Variants in TRIM6 observed in about 807,000 individuals in gnomAD.
TRIM6 encodes the protein tripartite motif-containing protein 6.
In TRIM6, 43 loss-of-function variants were observed where a neutral mutation model predicts 51.2. The observed-to-expected ratio is 0.84, with a 90% CI of 0.66 to 1.08. The LOEUF (loss-of-function observed/expected upper bound fraction) is 1.08. TRIM6 is among the 50% of genes least tolerant of loss of function. The pLI is 0.00. For missense variants in TRIM6, 669 were observed against 619.0 expected, an observed-to-expected ratio of 1.08 and a Z score of -0.86; for synonymous variants, 215 against 232.4, an observed-to-expected ratio of 0.93 and a Z score of 0.68.
At position 5,611,114 on chromosome 11, in the gene TRIM6, G is replaced by A. The variant is rs368109226; in HGVS notation, c.1323G>A (p.Arg441=). ...VIGLQHNHEY[R]AYEDSSPSLL... Reference sequence around the variant, plus strand: ...GGTTACAGCATAACCATGAATATAGGGCCTATGAGGATTCTTCCCCTTCCC... The same window carrying A: ...GGTTACAGCATAACCATGAATATAGAGCCTATGAGGATTCTTCCCCTTCCC... Residue 441 remains arginine (R), a synonymous_variant, in exon 8 of 8, where the codon AGG becomes AGA. Transcript: ENST00000380097. 1 of 1,614,088 alleles carries A rather than the reference G, an allele frequency of 6.2e-7. No individual in the cohort carries two copies. Among genetic ancestry groups the A allele is most frequent in the Non-Finnish European group, 8.5e-7 (1 of 1,180,030 alleles).
chr11:5,606,492 T>C (rs1035326196), intron 4 of TRIM6, among the ~76,000 whole-genome samples: 2 of 152,194 alleles, frequency 1.3e-5, no homozygotes, highest in Non-Finnish European at 2.9e-5. Flanking sequence ...TTCCTCTTGC[T>C]CCTTCTTTCT....
Position 5,611,172 on chromosome 11 carries a change from G to C in TRIM6, c.1381G>C (p.Val461Leu), listed in dbSNP as rs1252081207. The C allele has an allele frequency of 1.9e-6, 3 of 1,614,092 alleles. No individual in the cohort carries two copies. In the South Asian group the frequency reaches 3.3e-5, roughly 18 times the overall value. ...CTCCATGACAGTGCCCCCTCGCCGT[G>C]TTGGGGTTTTCTTAGATTATGAGGC... ...LLSMTVPPRR[V>L]GVFLDYEAGT... The change falls in exon 8 of 8, where the codon GTT (valine) becomes CTT (leucine). Residue 461 changes from valine to leucine, a missense_variant. Coordinates refer to ENST00000380097, the MANE Select transcript of TRIM6 (RefSeq NM_001003818.3).
chr11:5,599,728 A>G (rs1039789305), intron 1 of TRIM6, among the ~76,000 whole-genome samples: 9 of 152,132 alleles, frequency 5.9e-5, no homozygotes, highest in African/African-American at 2.2e-4. Context: ...TAACAGTAAC[A>G]CTTTGATAAG....
Position 5,612,355 on chromosome 11 carries a change from A to AC in TRIM6, c.*1014dup, listed in dbSNP as rs1268356139. 1.3e-5 allele frequency: 2 copies of AC among 152,222 alleles called. No individual in the cohort carries two copies. Among genetic ancestry groups the AC allele is most frequent in the East Asian group, 3.8e-4 (2 of 5,206 alleles). 9.4% of individuals were successfully genotyped at this position (152,222 alleles called of 1,614,324 possible). A position where few individuals can be genotyped will look rare whatever the true frequency, so the allele number is the denominator to read the frequency against. ...ACTCAAATTGAAGAGAGTCTTCACT[A>AC]CAATCTTCACTACAACCTTTGGCCT... On this transcript the variant is annotated 3_prime_UTR_variant, in exon 8 of 8. Coordinates refer to ENST00000380097, the MANE Select transcript of TRIM6 (RefSeq NM_001003818.3).
In TRIM6 at chr11:5,603,643, G is replaced by A. The variant is rs1419051480; in HGVS notation, c.415G>A (p.Asp139Asn). 6.8e-6 allele frequency: 11 copies of A among 1,613,482 alleles called. No homozygotes were observed. The Admixed American group carries it at 1.7e-4, about 24-fold the overall frequency. Residue 139 changes from aspartate (D) to asparagine (N), a missense_variant, in exon 2 of 8, where the codon GAT (aspartate) becomes AAT (asparagine). Transcript: ENST00000380097. ...GEKLQLFCQEDGKVICWLCER... is the reference protein window; with the variant it reads ...GEKLQLFCQENGKVICWLCER... ...AAAACTGCAGCTCTTCTGTCAGGAG[G>A]ATGGGAAGGTCATTTGCTGGCTTTG...
At chr11:5,606,142 C>T (rs1376613252) in intron 4 of TRIM6, among the ~76,000 whole-genome samples, 2 of 152,236 alleles carry the variant, frequency 1.3e-5, no homozygotes, top group African/African-American at 4.8e-5. Flanking sequence ...GTCACAGGCA[C>T]ACTTACGCCA....
intron 4 of TRIM6, among the ~76,000 whole-genome samples, chr11:5,608,110 A>G (rs1848335237): frequency 6.6e-6 from 1 of 152,244 alleles, no homozygotes; most frequent in Non-Finnish European, 1.5e-5. Flanking sequence ...TACATGCTAT[A>G]CATACATAAC....
intron 1 of TRIM6, among the ~76,000 whole-genome samples, chr11:5,600,954 A>T (rs7125514): frequency 2.0e-5 from 3 of 151,914 alleles, no homozygotes; most frequent in African/African-American, 7.3e-5. Context: ...TTTTCTAAAG[A>T]GTATTCTCAG....
intron 4 of TRIM6, among the ~76,000 whole-genome samples, chr11:5,607,153 G>A (rs1848268234): frequency 6.6e-6 from 1 of 151,988 alleles, no homozygotes; most frequent in Non-Finnish European, 1.5e-5. Context: ...GCAGTGAGCC[G>A]AGATCGCACC....
At chr11:5,608,638 G>C (rs543280544) in intron 5 of TRIM6, among the ~76,000 whole-genome samples, 28 of 151,912 alleles carry the variant, frequency 1.8e-4, no homozygotes, top group Non-Finnish European at 3.1e-4. Context: ...ATAAAGAGTT[G>C]CAGTATTGCG....
intron 3 of TRIM6, chr11:5,604,925 T>C: frequency 6.9e-6 from 3 of 436,168 alleles, no homozygotes; most frequent in Non-Finnish European, 1.2e-5. Context: ...GGCTTTTCCC[T>C]TGCATTCAGA....
intron 2 of TRIM6, among the ~76,000 whole-genome samples, chr11:5,604,106 G>C (rs985368693): frequency 6.6e-6 from 1 of 152,008 alleles, no homozygotes; most frequent in Non-Finnish European, 1.5e-5. Flanking sequence ...AGCAGTTCTC[G>C]TGCCTGGCCT....
intron 1 of TRIM6, 32 bp downstream of exon 1, chr11:5,596,946 T>C: frequency 6.2e-7 from 1 of 1,614,058 alleles, no homozygotes; most frequent in African/African-American, 1.3e-5. Flanking sequence ...CTGGCTCTTA[T>C]TGTCACTTCT....
chr11:5,598,150 C>T (rs1335415972), intron 1 of TRIM6, among the ~76,000 whole-genome samples: 1 of 152,166 alleles, frequency 6.6e-6, no homozygotes, highest in African/African-American at 2.4e-5. Context: ...GTCAGAATGC[C>T]TTCTCTCAGC....
chr11:5,604,177 C>T (rs116050171), intron 2 of TRIM6, among the ~76,000 whole-genome samples: 23 of 131,372 alleles, frequency 1.8e-4, no homozygotes, highest in African/African-American at 5.1e-4. Flanking sequence ...TGTGTGTGTG[C>T]GTGTGTGTGT....
chr11:5,596,762 T>G lies in TRIM6; in HGVS notation c.-136T>G. ...GAACGGAACGGAGCAGAGTCGTGCG[T>G]GGTTGAGTTTAGATAAAAGCCGAGT... On this transcript the variant is annotated 5_prime_UTR_variant, in exon 1 of 8. Transcript: ENST00000380097. 266 of 1,297,962 alleles carry G rather than the reference T, an allele frequency of 2.0e-4. No individual in the cohort carries two copies. Among genetic ancestry groups the G allele is most frequent in the East Asian group, 7.0e-4 (29 of 41,654 alleles). 80.4% of individuals were successfully genotyped at this position (1,297,962 alleles called of 1,614,324 possible).
intron 1 of TRIM6, among the ~76,000 whole-genome samples, chr11:5,602,193 C>A (rs1309997020): frequency 6.6e-6 from 1 of 152,152 alleles, no homozygotes; most frequent in Non-Finnish European, 1.5e-5. Flanking sequence ...GTAGTCCCAA[C>A]CCTTTGGGAG....
chr11:5,611,178 G>A lies in TRIM6; in HGVS notation c.1387G>A (p.Val463Ile). ...GACAGTGCCCCCTCGCCGTGTTGGG[G>A]TTTTCTTAGATTATGAGGCTGGTAC... ...SMTVPPRRVGVFLDYEAGTVS... is the reference protein window; with the variant it reads ...SMTVPPRRVGIFLDYEAGTVS... The change falls in exon 8 of 8, where the codon GTT becomes ATT. Residue 463 changes from valine (V) to isoleucine (I), a missense_variant. By Grantham distance (29) the Val-to-Ile change is conservative. Transcript: ENST00000380097. The A allele has an allele frequency of 3.1e-6, 5 of 1,614,068 alleles. No homozygotes were observed. The highest frequency in any genetic ancestry group is 4.2e-6 in the Non-Finnish European group (5 of 1,180,010).
At chr11:5,596,970 G>T (rs1207056724) in intron 1 of TRIM6, 56 bp downstream of exon 1, 1 of 1,613,326 alleles carries the variant, frequency 6.2e-7, no homozygotes, top group Non-Finnish European at 8.5e-7. Context: ...AGAGGTGACA[G>T]GGCAGTGAAA....
Sources: gnomAD v4.1 joint callset for allele counts (sites outside exome capture counted in the v4.1 genomes callset) on GRCh38, gnomAD v4.1.1 for gene constraint, MANE v1.5 for transcripts, NCBI Gene and HGNC (gene_info 2026-07-23, HGNC 2026-07-21) for gene names.